Variants in OR4E2 observed in about 807,000 individuals in gnomAD.
The protein encoded by OR4E2 is olfactory receptor family 4 subfamily E member 2, also known as olfactory receptor 4E2.
Under a neutral mutation model 11.0 loss-of-function variants are expected in OR4E2, and 9 were observed. The ratio of observed to expected loss-of-function variants is 0.82; its 90% CI spans 0.49 to 1.43. The LOEUF (loss-of-function observed/expected upper bound fraction) is 1.43, where lower values mean the gene tolerates loss of function less well. OR4E2 is among the 40% of genes most tolerant of loss of function. The pLI is 0.00. For synonymous variants in OR4E2, 159 were observed against 147.3 expected, an observed-to-expected ratio of 1.08 and a Z score of -0.57; for missense variants, 441 against 382.0, an observed-to-expected ratio of 1.15 and a Z score of -1.29.
Position 21,656,167 on chromosome 14 carries a change from A to C in OR4E2, c.-190-335A>C, listed in dbSNP as rs1021108429. On this transcript the variant is annotated intron_variant, in intron 1 of 3. Coordinates refer to ENST00000641524, the MANE Select transcript of OR4E2 (RefSeq NM_001001912.3). ...CAAAAAACAAGAAACACAACAAAAC[A>C]AACAACCAAAAAAAAAAAAGCAATG... Among the ~76,000 whole-genome samples, 56 of 138,436 alleles carry C rather than the reference A, an allele frequency of 4.0e-4. 1 individual carries two copies. The highest frequency in any genetic ancestry group is 8.1e-5 in the Admixed American group (1 of 12,338). 90.8% of individuals were successfully genotyped at this position (138,436 alleles called of 152,430 possible). A position where few individuals can be genotyped will look rare whatever the true frequency, so the allele number is the denominator to read the frequency against.
In OR4E2 at chr14:21,653,906, G is replaced by T. The variant is rs1018584706; in HGVS notation, c.-224G>T. The T allele has an allele frequency of 6.6e-6, 1 of 152,118 alleles. No homozygotes were observed. Among genetic ancestry groups the T allele is most frequent in the African/African-American group, 2.4e-5 (1 of 41,414 alleles). 9.4% of individuals were successfully genotyped at this position (152,118 alleles called of 1,614,324 possible). ...GCTTCTATAATAGGGTATCAGAGGC[G>T]AATGGAATCATTAGAGGAGATACAG... On this transcript the variant is annotated 5_prime_UTR_variant, in exon 1 of 4. Transcript: ENST00000641524.
chr14:21,658,663 C>T (rs938625651), intron 2 of OR4E2, among the ~76,000 whole-genome samples: 4 of 152,008 alleles, frequency 2.6e-5, no homozygotes, highest in Non-Finnish European at 4.4e-5. Flanking sequence ...TGGAAAGTCA[C>T]GATACTCTTC....
intron 3 of OR4E2, among the ~76,000 whole-genome samples, chr14:21,663,775 G>A (rs756204666): frequency 6.6e-6 from 1 of 152,164 alleles, no homozygotes; most frequent in Non-Finnish European, 1.5e-5. Flanking sequence ...CAGGTATTAA[G>A]CCCAGACCTC....
Position 21,665,752 on chromosome 14 carries a change from T to G in OR4E2, c.670T>G (p.Ser224Ala), listed in dbSNP as rs1326075958. The change falls in exon 4 of 4, where the codon TCT becomes GCT. Residue 224 changes from serine to alanine, a missense_variant. By Grantham distance (99) the Ser-to-Ala change is moderately conservative. Transcript: ENST00000641524. ...VVTSYMVILVSLRKHSAEGRR... is the reference protein window; with the variant it reads ...VVTSYMVILVALRKHSAEGRR... ...CACCTCCTATATGGTCATCCTGGTT[T>G]CTCTTCGAAAACACTCAGCTGAAGG... 3 of 1,614,160 alleles carry G rather than the reference T, an allele frequency of 1.9e-6. No individual in the cohort carries two copies. In the South Asian group the frequency reaches 3.3e-5, roughly 18 times the overall value.
At chr14:21,662,553 G>T (rs1391740888) in intron 3 of OR4E2, among the ~76,000 whole-genome samples, 1 of 152,120 alleles carries the variant, frequency 6.6e-6, no homozygotes, top group Admixed American at 6.6e-5. Context: ...ACCTGCCTCG[G>T]CCTCCCAAAG....
intron 2 of OR4E2, among the ~76,000 whole-genome samples, chr14:21,657,440 T>TTTCCTTCCTTCCTTCC (rs555201549): frequency 2.2e-4 from 17 of 76,366 alleles, no homozygotes; most frequent in Non-Finnish European, 3.2e-4. Flanking sequence ...TTCTTCTTTC[T>TTTCCTTCCTTCCTTCC]TTCCTTCCTT....
In OR4E2 at chr14:21,665,667, A is replaced by T; in HGVS notation, c.585A>T (p.Thr195=). Residue 195 remains threonine, a synonymous_variant, in exon 4 of 4, where the codon ACA becomes ACT. Transcript: ENST00000641524. The part of the protein sequence containing the change: ...IKLACTDTYL[T]GILIVTNSGT... ...TGGCCTGCACAGATACATACCTCAC[A>T]GGAATACTGATTGTGACCAATAGTG... 1 of 1,614,174 alleles carries T rather than the reference A, an allele frequency of 6.2e-7. No homozygotes were observed.
intron 3 of OR4E2, among the ~76,000 whole-genome samples, chr14:21,661,792 TCA>T (rs1880342986): frequency 6.6e-6 from 1 of 152,214 alleles, no homozygotes; most frequent in Non-Finnish European, 1.5e-5. Context: ...TGAGAAACAT[TCA>T]GTTTGTTTCC....
Position 21,667,489 on chromosome 14 carries a change from A to T in OR4E2, c.*1465A>T, listed in dbSNP as rs1344615292. The T allele has an allele frequency of 1.3e-5, 2 of 152,220 alleles. No homozygotes were observed. The highest frequency in any genetic ancestry group is 4.8e-5 in the African/African-American group (2 of 41,472). The allele number at this position is 152,220 out of a possible 1,614,324, so 9.4% of individuals were successfully genotyped here. A position where few individuals can be genotyped will look rare whatever the true frequency, so the allele number is the denominator to read the frequency against. ...CTCATGAAAATATCTAAATATCATTACTTCAAGTTGACAAACAAGGGTAGA... is the reference window on the plus strand; with the variant it reads ...CTCATGAAAATATCTAAATATCATTTCTTCAAGTTGACAAACAAGGGTAGA... On this transcript the variant is annotated 3_prime_UTR_variant, in exon 4 of 4. Coordinates refer to ENST00000641524, the MANE Select transcript of OR4E2 (RefSeq NM_001001912.3).
rs746048555 is a variant in OR4E2 at position 21,665,464 on chromosome 14, A to T, written c.382A>T (p.Thr128Ser). Reference protein sequence around the residue: ...MAYDRYVAICTPLHYPNVMNM... With the variant: ...MAYDRYVAICSPLHYPNVMNM... ...GTATGATCGTTACGTGGCTATCTGC[A>T]CTCCACTCCACTACCCCAATGTGAT... Residue 128 changes from threonine to serine, a missense_variant, in exon 4 of 4, where the codon ACT (threonine) becomes TCT (serine). Physicochemically the swap from Thr to Ser is moderately conservative, Grantham distance 58 (BLOSUM62 1). Coordinates refer to ENST00000641524, the MANE Select transcript of OR4E2 (RefSeq NM_001001912.3). The T allele has an allele frequency of 5.0e-6, 8 of 1,613,436 alleles. No homozygotes were observed. The African/African-American group carries it at 8.0e-5, about 16-fold the overall frequency.
intron 2 of OR4E2, among the ~76,000 whole-genome samples, chr14:21,657,436 TTTCTTTCCTTCCTTCCTTCCTTCCTTCC>T (rs1880041729): frequency 1.0e-5 from 1 of 97,052 alleles, no homozygotes; most frequent in African/African-American, 4.0e-5. Flanking sequence ...TTCTTTCTTC[TTTCTTTCCTTCCTTCCTTCCTTCCTTCC>T]TTCCTTCCTT....
intron 3 of OR4E2, among the ~76,000 whole-genome samples, chr14:21,662,959 G>A (rs113914812): frequency 6.6e-6 from 1 of 151,994 alleles, no homozygotes; most frequent in Non-Finnish European, 1.5e-5. Flanking sequence ...TAAAAAGTTA[G>A]GGTAATATAA....
Position 21,665,758 on chromosome 14 carries a change from C to A in OR4E2, c.676C>A (p.Arg226=). 1 of 1,614,052 alleles carries A rather than the reference C, an allele frequency of 6.2e-7. No individual in the cohort carries two copies. Among genetic ancestry groups the A allele is most frequent in the Non-Finnish European group, 8.5e-7 (1 of 1,179,996 alleles). The change falls in exon 4 of 4, where the codon CGA becomes AGA. Residue 226 remains arginine, a synonymous_variant. Transcript: ENST00000641524. ...TSYMVILVSL[R]KHSAEGRRKA... The stretch of plus-strand genomic sequence containing the variant: ...CTATATGGTCATCCTGGTTTCTCTT[C>A]GAAAACACTCAGCTGAAGGGCGCCG...
At chr14:21,658,241 C>A (rs947275983) in intron 2 of OR4E2, among the ~76,000 whole-genome samples, 7 of 152,130 alleles carry the variant, frequency 4.6e-5, no homozygotes, top group African/African-American at 1.4e-4. Context: ...ACCTGCATCC[C>A]ATTTTATTAG....
chr14:21,665,285 T>A lies in OR4E2; in HGVS notation c.203T>A (p.Phe68Tyr). 2 of 1,614,138 alleles carry A rather than the reference T, an allele frequency of 1.2e-6. No homozygotes were observed. Among genetic ancestry groups the A allele is most frequent in the Non-Finnish European group, 1.7e-6 (2 of 1,179,988 alleles). ...PMYFFLSNLS[F>Y]IDICHSSVTV... Reference sequence around the variant, plus strand: ...TATTTCTTCCTGAGCAATCTGTCCTTTATTGACATCTGCCACTCATCTGTC... The same window carrying A: ...TATTTCTTCCTGAGCAATCTGTCCTATATTGACATCTGCCACTCATCTGTC... The change falls in exon 4 of 4, where the codon TTT (phenylalanine) becomes TAT (tyrosine). Residue 68 changes from phenylalanine to tyrosine, a missense_variant. Coordinates refer to ENST00000641524, the MANE Select transcript of OR4E2 (RefSeq NM_001001912.3).
chr14:21,657,386 CT>C (rs1555338220), intron 2 of OR4E2, among the ~76,000 whole-genome samples: 25 of 120,342 alleles, frequency 2.1e-4, no homozygotes, highest in African/African-American at 3.4e-4. Context: ...TCCTTCCTTC[CT>C]TTCTTTCTTC....
chr14:21,665,343 A>G lies in OR4E2; in HGVS notation c.261A>G (p.Leu87=). The G allele has an allele frequency of 6.2e-7, 1 of 1,614,088 alleles. No homozygotes were observed. The highest frequency in any genetic ancestry group is 8.5e-7 in the Non-Finnish European group (1 of 1,180,028). ...CTAAGATGTTGGAGGGTTTGCTTTT[A>G]GAAAGAAAGACCATTTCCTTTGACA... ...TVPKMLEGLL[L]ERKTISFDNC... Residue 87 remains leucine, a synonymous_variant, in exon 4 of 4, where the codon TTA becomes TTG. Coordinates refer to ENST00000641524, the MANE Select transcript of OR4E2 (RefSeq NM_001001912.3).
rs369264275 is a variant in OR4E2, at chr14:21,665,759, G to A, written c.677G>A (p.Arg226Gln). 2.9e-4 allele frequency: 476 copies of A among 1,613,852 alleles called. No homozygotes were observed. The highest frequency in any genetic ancestry group is 3.8e-4 in the Non-Finnish European group (454 of 1,180,014). Residue 226 changes from arginine to glutamine, a missense_variant, in exon 4 of 4, where the codon CGA becomes CAA. Transcript: ENST00000641524. The part of the protein sequence containing the change: ...TSYMVILVSL[R>Q]KHSAEGRRKA... ...TATATGGTCATCCTGGTTTCTCTTC[G>A]AAAACACTCAGCTGAAGGGCGCCGG...
intron 3 of OR4E2, among the ~76,000 whole-genome samples, chr14:21,663,763 G>A (rs560574483): frequency 6.6e-5 from 10 of 152,250 alleles, no homozygotes; most frequent in Non-Finnish European, 1.0e-4. Context: ...AGCACAGATC[G>A]TCAGGTATTA....
Sources: gnomAD v4.1 joint callset for allele counts (sites outside exome capture counted in the v4.1 genomes callset) on GRCh38, gnomAD v4.1.1 for gene constraint, MANE v1.5 for transcripts, NCBI Gene and HGNC (gene_info 2026-07-23, HGNC 2026-07-21) for gene names.